The following ROBO2 variants were observed in gnomAD, a reference collection of about 807,000 sequenced individuals.
The protein encoded by ROBO2 is roundabout guidance receptor 2.
Under a neutral mutation model 160.8 loss-of-function variants are expected in ROBO2, and 53 were observed. The observed-to-expected ratio is 0.33, with a 90% CI of 0.26 to 0.41. ROBO2 has a LOEUF of 0.41. ROBO2 is among the 10% of genes least tolerant of loss of function. The pLI is 1.00. For missense variants in ROBO2, 1,577 were observed against 1,722.4 expected (o/e 0.92, Z 1.49); for synonymous variants, 664 against 611.7 (o/e 1.09, Z -1.26).
At position 76,283,938 on chromosome 3, in the gene ROBO2, GCTTTA is replaced by G. The variant is rs1165763351; in HGVS notation, c.109+346342_109+346346del. Among the ~76,000 whole-genome samples the G allele has an allele frequency of 2.0e-5, 3 of 151,916 alleles. No individual in the cohort carries two copies. In the East Asian group the frequency reaches 5.8e-4, roughly 29 times the overall value. On this transcript the variant is annotated intron_variant, in intron 2 of 26. Coordinates refer to the ROBO2 transcript ENST00000487694. ...CTTAGGATCGTTCTTCTGAGCAACTGCTTTACTTTAATCTTATGGACCCTGAAATT... is the reference window on the plus strand; with the variant it reads ...CTTAGGATCGTTCTTCTGAGCAACTGCTTTAATCTTATGGACCCTGAAATT...
rs9822236 is a variant in ROBO2 at position 76,901,438 on chromosome 3, C to T, written c.110-196576C>T. Among the ~76,000 whole-genome samples the T allele has an allele frequency of 6.0e-3, 906 of 151,572 alleles. 8 individuals are homozygous for T. The highest frequency in any genetic ancestry group is 0.021 in the African/African-American group (885 of 41,336). Reference sequence around the variant, plus strand: ...ATGCAGAAGGCCAGGCATGGTAGCTCATGCCTGTAATCCCAGCTACTTGAA... The same window carrying T: ...ATGCAGAAGGCCAGGCATGGTAGCTTATGCCTGTAATCCCAGCTACTTGAA... On this transcript the variant is annotated intron_variant, in intron 2 of 26. Coordinates refer to the ROBO2 transcript ENST00000487694.
At chr3:76,001,431 C>A (rs1297629262) in intron 2 of ROBO2, among the ~76,000 whole-genome samples, 1 of 152,188 alleles carries the variant, frequency 6.6e-6, no homozygotes, top group Non-Finnish European at 1.5e-5. Context: ...TGAGATCTCA[C>A]TCTTCTAAAA....
chr3:76,510,385 G>A (rs1400532480), intron 2 of ROBO2, among the ~76,000 whole-genome samples: 2 of 152,164 alleles, frequency 1.3e-5, no homozygotes, highest in African/African-American at 4.8e-5. Context: ...GGAAATGGAA[G>A]GATAAACTGT....
upstream of ROBO2, among the ~76,000 whole-genome samples, chr3:77,036,513 C>T (rs183522520): frequency 6.6e-6 from 1 of 152,136 alleles, no homozygotes; most frequent in Non-Finnish European, 1.5e-5. Flanking sequence ...TTTTATACTT[C>T]TGCTGGAATA....
At chr3:76,757,577 C>T (rs2061048480) in intron 2 of ROBO2, among the ~76,000 whole-genome samples, 1 of 146,322 alleles carries the variant, frequency 6.8e-6, no homozygotes, top group African/African-American at 2.5e-5. Flanking sequence ...CTTACAACTG[C>T]AGCAGCCCTA....
At chr3:76,107,842 T>C (rs1281401413) in intron 2 of ROBO2, among the ~76,000 whole-genome samples, 1 of 152,144 alleles carries the variant, frequency 6.6e-6, no homozygotes, top group African/African-American at 2.4e-5. Flanking sequence ...AACTCAAAGT[T>C]AATATTTGTT....
chr3:76,850,591 AC>A (rs2069243061), intron 2 of ROBO2, among the ~76,000 whole-genome samples: 1 of 152,144 alleles, frequency 6.6e-6, no homozygotes, highest in Non-Finnish European at 1.5e-5. Context: ...TGCCCACAGT[AC>A]GGGGCTCGAT....
chr3:77,557,953 A>G (rs762831113), exon 9 of ROBO2: 2 of 1,612,942 alleles, frequency 1.2e-6, no homozygotes, highest in Non-Finnish European at 1.7e-6. Flanking sequence ...GTTTTGACAG[A>G]TAGACCTCCA....
chr3:77,539,253 C>G (rs1347696019), intron 6 of ROBO2, among the ~76,000 whole-genome samples: 1 of 152,152 alleles, frequency 6.6e-6, no homozygotes, highest in East Asian at 1.9e-4. Flanking sequence ...CATTGTTACA[C>G]AATGTCTTTA....
intron 2 of ROBO2, among the ~76,000 whole-genome samples, chr3:76,723,541 C>A (rs546953500): frequency 1.9e-4 from 29 of 152,274 alleles, no homozygotes; most frequent in African/African-American, 7.0e-4. Flanking sequence ...TGCCATTCTC[C>A]CAGCCTCCTA....
intron 2 of ROBO2, among the ~76,000 whole-genome samples, chr3:77,129,100 T>G (rs2075611522): frequency 6.6e-6 from 1 of 152,156 alleles, no homozygotes; most frequent in South Asian, 2.1e-4. Context: ...TTTTAGAAAC[T>G]TTTACAACTG....
intron 2 of ROBO2, among the ~76,000 whole-genome samples, chr3:76,010,158 G>T (rs927293454): frequency 6.6e-6 from 1 of 152,160 alleles, no homozygotes; most frequent in African/African-American, 2.4e-5. Context: ...TGTGCCTGGG[G>T]CTTAGTCCAG....
In ROBO2 at chr3:76,673,235, C is replaced by A. The variant is rs149847256; in HGVS notation, c.110-424779C>A. ...TCATCTCACCAATGTAGGTTTTCTT[C>A]AAGATCTGCAATGACAAAGTCTTAT... is the stretch of plus-strand genomic sequence containing the variant. On this transcript the variant is annotated intron_variant, in intron 2 of 26. Transcript: ENST00000487694. Among the ~76,000 whole-genome samples the A allele has an allele frequency of 4.7e-3, 712 of 152,240 alleles. 8 individuals are homozygous for A. The highest frequency in any genetic ancestry group is 0.016 in the African/African-American group (676 of 41,546).
At chr3:77,004,423 T>C (rs573430351) in intron 2 of ROBO2, among the ~76,000 whole-genome samples, 2 of 152,292 alleles carry the variant, frequency 1.3e-5, no homozygotes, top group African/African-American at 4.8e-5. Context: ...GGATTGGAAG[T>C]AGAAGGAGAG....
chr3:77,460,610 A>G (rs2082141009), intron 2 of ROBO2, among the ~76,000 whole-genome samples: 1 of 152,248 alleles, frequency 6.6e-6, no homozygotes, highest in Non-Finnish European at 1.5e-5. Context: ...AAAGTATTCC[A>G]GAAGACAAGG....
chr3:76,204,040 A>G (rs2107274006), intron 2 of ROBO2, among the ~76,000 whole-genome samples: 1 of 152,330 alleles, frequency 6.6e-6, no homozygotes, highest in South Asian at 2.1e-4. Context: ...TTGAGTATAT[A>G]TCATCTGTTT....
At chr3:77,004,176 A>G (rs2149432271) in intron 2 of ROBO2, among the ~76,000 whole-genome samples, 1 of 152,298 alleles carries the variant, frequency 6.6e-6, no homozygotes, top group East Asian at 1.9e-4. Flanking sequence ...CAATAACAGA[A>G]ATATTTTGTT....
At chr3:76,559,968 T>C (rs1208510283) in intron 2 of ROBO2, among the ~76,000 whole-genome samples, 2 of 152,178 alleles carry the variant, frequency 1.3e-5, no homozygotes, top group African/African-American at 4.8e-5. Context: ...TCCAAAACTT[T>C]AATTCTGCAC....
intron 21 of ROBO2, among the ~76,000 whole-genome samples, chr3:77,608,584 C>T (rs1437765919): frequency 2.6e-5 from 4 of 152,114 alleles, no homozygotes; most frequent in African/African-American, 7.2e-5. Flanking sequence ...AGTTAGTTTT[C>T]CTCTGTTACT....
Sources: gnomAD v4.1 joint callset for allele counts (sites outside exome capture counted in the v4.1 genomes callset) on GRCh38, gnomAD v4.1.1 for gene constraint, MANE v1.5 for transcripts, NCBI Gene and HGNC (gene_info 2026-07-23, HGNC 2026-07-21) for gene names.